The following AUTS2 variants were observed in gnomAD, a reference collection of about 807,000 sequenced individuals.
AUTS2 encodes autism susceptibility gene 2 protein.
In AUTS2, 17 loss-of-function variants were observed where a neutral mutation model predicts 112.4. That is an observed-to-expected ratio of 0.15 (90% CI 0.10 to 0.23). AUTS2 has a LOEUF of 0.23. Among genes scored for constraint, AUTS2 ranks in the 10% least tolerant of loss-of-function variants. The pLI, the probability that AUTS2 is intolerant of heterozygous loss-of-function variation, is 1.00. For missense variants in AUTS2, 1,510 were observed against 1,701.6 expected, an observed-to-expected ratio of 0.89 and a Z score of 1.98; for synonymous variants, 751 against 702.7, an observed-to-expected ratio of 1.07 and a Z score of -1.09.
At chr7:69,634,061 TTTTA>T (rs1285559022) in intron 1 of AUTS2, among the ~76,000 whole-genome samples, 4 of 151,748 alleles carry the variant, frequency 2.6e-5, no homozygotes, top group African/African-American at 7.3e-5. Flanking sequence ...CTTCTAGGAG[TTTTA>T]TTGTTTCTCG....
intron 5 of AUTS2, among the ~76,000 whole-genome samples, chr7:70,669,986 A>G (rs1807551492): frequency 6.6e-6 from 1 of 152,172 alleles, no homozygotes; most frequent in South Asian, 2.1e-4. Context: ...GTGGCCAAGG[A>G]GGGCCTTATT....
chr7:69,810,040 C>G (rs541289064), intron 1 of AUTS2, among the ~76,000 whole-genome samples: 2 of 152,302 alleles, frequency 1.3e-5, no homozygotes, highest in South Asian at 2.1e-4. Context: ...AAAGCCCACA[C>G]TTCCCAGCAT....
intron 2 of AUTS2, among the ~76,000 whole-genome samples, chr7:70,110,859 C>CTTTTTTTTTTTTTTTT (rs71077618): frequency 1.2e-5 from 1 of 82,782 alleles, no homozygotes; most frequent in Non-Finnish European, 2.1e-5. Context: ...TTCTTTCTTT[C>CTTTTTTTTTTTTTTTT]TTTTTTTTTT....
intron 6 of AUTS2, among the ~76,000 whole-genome samples, chr7:70,716,250 G>A (rs1235992183): frequency 6.6e-6 from 1 of 152,184 alleles, no homozygotes; most frequent in Non-Finnish European, 1.5e-5. Flanking sequence ...GTGACAGTGA[G>A]TTCTTGCCAT....
chr7:69,633,886 A>C (rs570662072), intron 1 of AUTS2, among the ~76,000 whole-genome samples: 1 of 151,940 alleles, frequency 6.6e-6, no homozygotes, highest in South Asian at 2.1e-4. Context: ...TTGTCTTCCA[A>C]TTTGTAGGCT....
At chr7:70,786,167 A>C (rs954460772) in intron 17 of AUTS2, 129 bp downstream of exon 17, 2 of 756,530 alleles carry the variant, frequency 2.6e-6, no homozygotes, top group African/African-American at 3.5e-5. Flanking sequence ...ATATCACTGC[A>C]AAAGCAGGCC....
chr7:70,263,148 C>T (rs1787249805), intron 4 of AUTS2, among the ~76,000 whole-genome samples: 1 of 151,972 alleles, frequency 6.6e-6, no homozygotes, highest in African/African-American at 2.4e-5. Context: ...GTGCCTTCAG[C>T]AGTGGCAGTC....
intron 4 of AUTS2, among the ~76,000 whole-genome samples, chr7:70,420,068 T>G (rs1258462990): frequency 3.3e-5 from 5 of 152,156 alleles, no homozygotes; most frequent in Admixed American, 2.0e-4. Flanking sequence ...GGCTACTAAG[T>G]GAGCGGCTTT....
At chr7:70,234,792 T>C (rs1005709187) in intron 4 of AUTS2, among the ~76,000 whole-genome samples, 6 of 152,180 alleles carry the variant, frequency 3.9e-5, no homozygotes, top group African/African-American at 1.4e-4. Flanking sequence ...TTCACATCTT[T>C]ACTGCTTGTC....
At chr7:70,097,280 G>A (rs1016855329) in intron 2 of AUTS2, among the ~76,000 whole-genome samples, 2 of 152,130 alleles carry the variant, frequency 1.3e-5, no homozygotes, top group African/African-American at 2.4e-5. Context: ...TTGCATGAAC[G>A]GAGATGTAAT....
chr7:69,607,258 T>C (rs1173631634), intron 1 of AUTS2, among the ~76,000 whole-genome samples: 2 of 152,170 alleles, frequency 1.3e-5, no homozygotes, highest in Non-Finnish European at 2.9e-5. Context: ...CATATATTAG[T>C]GTATGTGGCT....
At chr7:70,661,932 C>G (rs1807098329) in intron 5 of AUTS2, among the ~76,000 whole-genome samples, 1 of 152,178 alleles carries the variant, frequency 6.6e-6, no homozygotes, top group Admixed American at 6.5e-5. Flanking sequence ...CCCAGAAAGC[C>G]AGTCCCATCT....
At chr7:70,659,727 A>T (rs927626021) in intron 5 of AUTS2, among the ~76,000 whole-genome samples, 2 of 152,180 alleles carry the variant, frequency 1.3e-5, no homozygotes, top group Non-Finnish European at 2.9e-5. Flanking sequence ...CTAGTCATGG[A>T]TATGGTGGAT....
chr7:69,950,309 T>A (rs1019891642), intron 2 of AUTS2, among the ~76,000 whole-genome samples: 2 of 152,144 alleles, frequency 1.3e-5, no homozygotes, highest in Non-Finnish European at 2.9e-5. Flanking sequence ...CCAATATATA[T>A]CCCATTGAAA....
chr7:70,263,644 C>T (rs1787273065), intron 4 of AUTS2, among the ~76,000 whole-genome samples: 1 of 152,146 alleles, frequency 6.6e-6, no homozygotes, highest in Admixed American at 6.5e-5. Flanking sequence ...AAAGCCGAAA[C>T]AAATTTTGCA....
chr7:69,697,643 T>C (rs1797613310), intron 1 of AUTS2, among the ~76,000 whole-genome samples: 1 of 152,232 alleles, frequency 6.6e-6, no homozygotes, highest in African/African-American at 2.4e-5. Context: ...CCTCTCGTCC[T>C]TGACTTTGGG....
chr7:69,857,386 C>T (rs1393604888), intron 1 of AUTS2, among the ~76,000 whole-genome samples: 4 of 152,280 alleles, frequency 2.6e-5, no homozygotes, highest in South Asian at 2.1e-4. Context: ...CACAAGGAGC[C>T]GTCTTTGCTG....
chr7:70,648,875 C>T (rs1806325204), intron 5 of AUTS2, among the ~76,000 whole-genome samples: 1 of 152,090 alleles, frequency 6.6e-6, no homozygotes, highest in Non-Finnish European at 1.5e-5. Flanking sequence ...TATGAGCCAC[C>T]GCGCCCAGCC....
At chr7:70,522,799 AT>A (rs1175360575) in intron 5 of AUTS2, among the ~76,000 whole-genome samples, 3 of 152,134 alleles carry the variant, frequency 2.0e-5, no homozygotes, top group African/African-American at 7.2e-5. Flanking sequence ...AGAACAGTTT[AT>A]TTTCCTTTGA....
Sources: allele counts gnomAD v4.1 joint callset (sites outside exome capture counted in the v4.1 genomes callset), GRCh38; gene constraint gnomAD v4.1.1; transcripts MANE v1.5; gene names NCBI Gene and HGNC (gene_info 2026-07-23, HGNC 2026-07-21).